PCDHA3: variants seen among roughly 807,000 people sequenced by gnomAD.
PCDHA3 encodes the protein protocadherin alpha-3.
Under a neutral mutation model 62.2 loss-of-function variants are expected in PCDHA3, and 41 were observed. The observed-to-expected ratio is 0.66, with a 90% confidence interval of 0.51 to 0.86. The LOEUF is 0.86. Ranked by LOEUF, PCDHA3 falls within the 40% of genes least tolerant of loss-of-function variation. The pLI, the probability that PCDHA3 is intolerant of heterozygous loss-of-function variation, is 0.00. For synonymous variants in PCDHA3, 640 were observed against 555.4 expected (o/e 1.15, Z -2.14); for missense variants, 1,304 against 1,241.2 (o/e 1.05, Z -0.76).
chr5:140,961,970 G>A (rs1282918892), intron 1 of PCDHA3, among the ~76,000 whole-genome samples: 1 of 150,888 alleles, frequency 6.6e-6, no homozygotes, highest in Non-Finnish European at 1.5e-5. Flanking sequence ...TGCAACCTCC[G>A]CCTCCTGGGT....
chr5:140,877,493 A>C, intron 1 of PCDHA3: 1 of 1,613,856 alleles, frequency 6.2e-7, no homozygotes, highest in African/African-American at 1.3e-5. Flanking sequence ...GAGAACGGCC[A>C]GGCCCCAAAG....
chr5:140,835,549 T>G (rs2150237980), intron 1 of PCDHA3: 1 of 1,613,976 alleles, frequency 6.2e-7, no homozygotes, highest in Non-Finnish European at 8.5e-7. Flanking sequence ...ACCTGCTCCC[T>G]GACGCCCCGC....
chr5:140,883,150 C>T, intron 1 of PCDHA3: 1 of 1,613,910 alleles, frequency 6.2e-7, no homozygotes, highest in Non-Finnish European at 8.5e-7. Flanking sequence ...ATGCATTTAC[C>T]ATAAATCCGA....
At position 140,803,257 on chromosome 5, in the gene PCDHA3, C is replaced by T. The variant is rs782417260; in HGVS notation, c.2060C>T (p.Thr687Met). The change falls in exon 1 of 4, where the codon ACG becomes ATG. Residue 687 changes from threonine (T) to methionine (M), a missense_variant. Transcript: ENST00000522353. ...TCGTCCCAGGCGTCCGCTGGCGCCA[C>T]GGGCCCGGAAGCTGCACTGGTGGAT... ...KASSQASAGATGPEAALVDVN... is the reference protein window; with the variant it reads ...KASSQASAGAMGPEAALVDVN... 8.1e-6 allele frequency: 13 copies of T among 1,613,906 alleles called. No homozygotes were observed. The highest frequency in any genetic ancestry group is 1.0e-5 in the Non-Finnish European group (12 of 1,179,956).
intron 1 of PCDHA3, among the ~76,000 whole-genome samples, chr5:140,847,056 A>T (rs1554141637): frequency 6.7e-6 from 1 of 149,850 alleles, no homozygotes; most frequent in South Asian, 2.1e-4. Flanking sequence ...GAAGACACAG[A>T]AAGCATCAAT....
At chr5:140,965,291 C>T (rs1227369041) in intron 1 of PCDHA3, among the ~76,000 whole-genome samples, 1 of 152,154 alleles carries the variant, frequency 6.6e-6, no homozygotes, top group Non-Finnish European at 1.5e-5. Context: ...GGAAAGATTT[C>T]CTCTGATCCT....
At chr5:140,862,646 C>A (rs2047467861) in intron 1 of PCDHA3, 1 of 541,802 alleles carries the variant, frequency 1.8e-6, no homozygotes, top group Admixed American at 1.9e-5. Flanking sequence ...TTCACAGTGT[C>A]CGCGCGGGAC....
At chr5:140,891,838 A>G (rs1479578181) in intron 1 of PCDHA3, among the ~76,000 whole-genome samples, 1 of 152,164 alleles carries the variant, frequency 6.6e-6, no homozygotes, top group African/African-American at 2.4e-5. Context: ...AAAGGACTTG[A>G]TGGAAGGAGC....
chr5:140,946,766 G>A (rs1554217856), intron 1 of PCDHA3, among the ~76,000 whole-genome samples: 1 of 151,394 alleles, frequency 6.6e-6, no homozygotes, highest in South Asian at 2.1e-4. Flanking sequence ...TCTCATTCAT[G>A]TGGAATGTAA....
intron 1 of PCDHA3, among the ~76,000 whole-genome samples, chr5:140,922,214 C>T (rs1554200731): frequency 1.3e-5 from 2 of 152,004 alleles, no homozygotes; most frequent in African/African-American, 4.8e-5. Context: ...CTTTGTAAAA[C>T]ATTTGAACCT....
chr5:140,883,642 C>G (rs200197885), intron 1 of PCDHA3: 55 of 1,613,904 alleles, frequency 3.4e-5, no homozygotes, highest in East Asian at 2.0e-4. Flanking sequence ...TCGCGCAGCC[C>G]GAGTACACGG....
intron 1 of PCDHA3, chr5:140,836,594 C>G (rs2150264886): frequency 4.3e-6 from 7 of 1,613,766 alleles, no homozygotes; most frequent in Non-Finnish European, 4.2e-6. Context: ...TGGTAAAGCC[C>G]ACTCTGGTGT....
At chr5:140,978,818 C>T in intron 1 of PCDHA3, 131 bp from the exon 2 acceptor site, 4 of 1,512,636 alleles carry the variant, frequency 2.6e-6, no homozygotes, top group Non-Finnish European at 3.5e-6. Flanking sequence ...TAGAGTTACA[C>T]ATGAAATGGC....
chr5:140,967,119 T>C lies in PCDHA3; in HGVS notation c.2395-11830T>C, dbSNP rs374670692. 97 of 1,612,790 alleles carry C rather than the reference T, an allele frequency of 6.0e-5. No homozygotes were observed. The highest frequency in any genetic ancestry group is 8.1e-5 in the Non-Finnish European group (95 of 1,179,410). The stretch of plus-strand genomic sequence containing the variant: ...CTGTGTGAGCAGCGGCCTCGCTGCC[T>C]GCTCAGCTTGGAAGTGCTGGCGCAC... On this transcript the variant is annotated intron_variant, in intron 1 of 3. Transcript: ENST00000522353.
At chr5:140,858,313 G>A (rs781800844) in intron 1 of PCDHA3, 1 of 1,597,108 alleles carries the variant, frequency 6.3e-7, no homozygotes, top group Non-Finnish European at 8.6e-7. Flanking sequence ...GGCGGCAGAG[G>A]GTGTGTTCTG....
chr5:140,998,240 A>G (rs2097802500), intron 3 of PCDHA3, among the ~76,000 whole-genome samples: 1 of 152,188 alleles, frequency 6.6e-6, no homozygotes, highest in Non-Finnish European at 1.5e-5. Context: ...GTGCATTATT[A>G]TACTCATTTT....
rs1762840113 is a variant in PCDHA3, at chr5:140,802,056, G to A, written c.859G>A (p.Ala287Thr). The change falls in exon 1 of 4, where the codon GCA becomes ACA. Residue 287 changes from alanine to threonine, a missense_variant. Physicochemically the swap from Ala to Thr is moderately conservative, Grantham distance 58 (BLOSUM62 0). Coordinates refer to ENST00000522353, the MANE Select transcript of PCDHA3 (RefSeq NM_018906.3). ...IAYSFNTDMS[A>T]DILSKFHLDP... ...GTATTCTTTCAATACGGACATGTCAGCAGATATTCTGTCAAAATTCCATTT... is the reference window on the plus strand; with the variant it reads ...GTATTCTTTCAATACGGACATGTCAACAGATATTCTGTCAAAATTCCATTT... 3 of 1,614,050 alleles carry A rather than the reference G, an allele frequency of 1.9e-6. No homozygotes were observed. Among genetic ancestry groups the A allele is most frequent in the Non-Finnish European group, 1.7e-6 (2 of 1,180,044 alleles).
chr5:140,877,797 C>T, intron 1 of PCDHA3: 1 of 1,613,630 alleles, frequency 6.2e-7, no homozygotes. Flanking sequence ...TCAGCCCAAG[C>T]CTTCAGCTGT....
chr5:140,982,420 G>A, intron 2 of PCDHA3, 55 bp from the exon 3 acceptor site: 1 of 1,611,062 alleles, frequency 6.2e-7, no homozygotes, highest in Non-Finnish European at 8.5e-7. Context: ...GGTGGAAGAA[G>A]AGATGGGAAA....
Sources: allele counts gnomAD v4.1 joint callset (sites outside exome capture counted in the v4.1 genomes callset), GRCh38; gene constraint gnomAD v4.1.1; transcripts MANE v1.5; gene names NCBI Gene and HGNC (gene_info 2026-07-23, HGNC 2026-07-21).